BAZ2B: variants seen among roughly 807,000 people sequenced by gnomAD.
The protein encoded by BAZ2B is bromodomain adjacent to zinc finger domain 2B.
In BAZ2B, 91 loss-of-function variants were observed where a neutral mutation model predicts 246.0. The ratio of observed to expected loss-of-function variants is 0.37; its 90% CI spans 0.31 to 0.44. BAZ2B has a LOEUF of 0.44. BAZ2B is among the 20% of genes least tolerant of loss of function. The pLI is 1.00. For synonymous variants in BAZ2B, 855 were observed against 860.0 expected (o/e 0.99, Z 0.10); for missense variants, 2,332 against 2,533.7 (o/e 0.92, Z 1.71).
chr2:159,597,085 C>T (rs745526100), intron 1 of BAZ2B, among the ~76,000 whole-genome samples: 9 of 152,108 alleles, frequency 5.9e-5, no homozygotes, highest in Non-Finnish European at 1.0e-4. Context: ...TGATTATGGC[C>T]ATTCTTGCAT....
chr2:159,529,752 A>G (rs1166805630), intron 2 of BAZ2B, among the ~76,000 whole-genome samples: 2 of 151,708 alleles, frequency 1.3e-5, no homozygotes, highest in Non-Finnish European at 2.9e-5. Flanking sequence ...GTTGTTTAGT[A>G]CCTTATCCTT....
chr2:159,460,594 T>C (rs1237824962), intron 3 of BAZ2B: 2 of 152,128 alleles, frequency 1.3e-5, no homozygotes, highest in Non-Finnish European at 2.9e-5. Context: ...TTGCAAAGTA[T>C]GGCTATTCAT....
intron 6 of BAZ2B, among the ~76,000 whole-genome samples, chr2:159,441,038 A>T (rs188115475): frequency 6.6e-6 from 1 of 152,184 alleles, no homozygotes; most frequent in Non-Finnish European, 1.5e-5. Flanking sequence ...TAATATTAAG[A>T]CTACCATTTA....
intron 3 of BAZ2B, chr2:159,462,880 T>G (rs6722912): frequency 1.2e-6 from 2 of 1,602,562 alleles, no homozygotes; most frequent in South Asian, 2.2e-5. Flanking sequence ...CTTAAAGCAC[T>G]GTCACAGGAT....
the BAZ2B span, chr2:159,690,176 A>C: frequency 8.4e-6 from 4 of 478,758 alleles, no homozygotes; most frequent in South Asian, 5.9e-5. Flanking sequence ...GATCCTGGTG[A>C]CTAGCGTCTT....
intron 3 of BAZ2B, chr2:159,458,866 A>T (rs2076096618): frequency 6.6e-6 from 1 of 152,206 alleles, no homozygotes; most frequent in South Asian, 2.1e-4. Context: ...ACCTCTATGC[A>T]AATGAATTAT....
chr2:159,439,953 A>G (rs1196937358), intron 6 of BAZ2B, among the ~76,000 whole-genome samples: 1 of 152,214 alleles, frequency 6.6e-6, no homozygotes, highest in Admixed American at 6.5e-5. Context: ...AAGCTGGTAG[A>G]AAGTGGTTAT....
chr2:159,629,217 C>T, the BAZ2B span, among the ~76,000 whole-genome samples: 1 of 152,148 alleles, frequency 6.6e-6, no homozygotes, highest in Non-Finnish European at 1.5e-5. Context: ...TGCTTTTATA[C>T]TGTTGGTGGG....
intron 27 of BAZ2B, 34 bp from the exon 28 acceptor site, chr2:159,350,391 A>T: frequency 7.0e-7 from 1 of 1,437,704 alleles, no homozygotes; most frequent in East Asian, 2.4e-5. Flanking sequence ...AACATCAGTT[A>T]CTCCAGATCA....
chr2:159,684,800 T>C, the BAZ2B span, among the ~76,000 whole-genome samples: 2 of 152,260 alleles, frequency 1.3e-5, no homozygotes, highest in Admixed American at 6.5e-5. Context: ...TCATTTATTT[T>C]CTACAATGGC....
chr2:159,417,172 T>G (rs890031516), intron 13 of BAZ2B, among the ~76,000 whole-genome samples: 9 of 150,792 alleles, frequency 6.0e-5, no homozygotes, highest in Admixed American at 4.6e-4. Flanking sequence ...GGTTTTTTTT[T>G]TTGTTTTTTT....
At chr2:159,641,770 G>A in the BAZ2B span, among the ~76,000 whole-genome samples, 405 of 152,104 alleles carry the variant, frequency 2.7e-3, 2 homozygotes, top group African/African-American at 9.2e-3. Context: ...TCAATCTTCT[G>A]CATAATGGCT....
At chr2:159,328,874 T>C (rs2064185358) in intron 34 of BAZ2B, among the ~76,000 whole-genome samples, 1 of 152,186 alleles carries the variant, frequency 6.6e-6, no homozygotes, top group South Asian at 2.1e-4. Context: ...ATGCCTGTAA[T>C]CCCAGCACTT....
rs1375169659 is a variant in BAZ2B, at chr2:159,472,623, G to A, written c.145+5952C>T. Among the ~76,000 whole-genome samples the A allele has an allele frequency of 2.0e-5, 3 of 152,310 alleles. No individual in the cohort carries two copies. In the South Asian group the frequency reaches 6.2e-4, roughly 32 times the overall value. On this transcript the variant is annotated intron_variant, in intron 3 of 36. Coordinates refer to ENST00000392783, the MANE Select transcript of BAZ2B (RefSeq NM_013450.4). ...TCAGTATGATATTGGCTGTGGGTCT[G>A]TAATAAATAGCTCTTATTATTTGGA...
intron 26 of BAZ2B, 112 bp downstream of exon 26, chr2:159,374,579 A>T: frequency 6.1e-6 from 5 of 817,112 alleles, no homozygotes; most frequent in Admixed American, 2.6e-5. Flanking sequence ...TTCATTTTTA[A>T]TTACTCACCA....
At chr2:159,689,770 GACC>G in the BAZ2B span, 14 of 504,044 alleles carry the variant, frequency 2.8e-5, no homozygotes, top group East Asian at 5.1e-4. Flanking sequence ...TCAATTTATT[GACC>G]ACTTCTTTCA....
Position 159,428,362 on chromosome 2 carries a change from T to C in BAZ2B, c.2313A>G (p.Ala771=), listed in dbSNP as rs2070389427. 3 of 1,613,420 alleles carry C rather than the reference T, an allele frequency of 1.9e-6. No homozygotes were observed. The highest frequency in any genetic ancestry group is 2.5e-6 in the Non-Finnish European group (3 of 1,179,634). The change falls in exon 12 of 37, where the codon GCA becomes GCG. Residue 771 remains alanine, a synonymous_variant. Coordinates refer to ENST00000392783, the MANE Select transcript of BAZ2B (RefSeq NM_013450.4). ...GTTTCTTTCCACATGGAGCATAATA[T>C]GCTACTTCTCCTTGAAGGCGCCCTC... ...NFGGRLQGEV[A]YYAPCGKKLR...
the BAZ2B span, among the ~76,000 whole-genome samples, chr2:159,658,282 G>T: frequency 6.6e-6 from 1 of 151,988 alleles, no homozygotes; most frequent in African/African-American, 2.4e-5. Flanking sequence ...GTTGGTCATG[G>T]TATATAATTG....
chr2:159,518,211 T>C (rs915216924), intron 2 of BAZ2B, among the ~76,000 whole-genome samples: 3 of 152,162 alleles, frequency 2.0e-5, no homozygotes, highest in Admixed American at 6.5e-5. Flanking sequence ...GCAAATAAAT[T>C]TGATATTTGG....
Sources: gnomAD v4.1 joint callset for allele counts (sites outside exome capture counted in the v4.1 genomes callset) on GRCh38, gnomAD v4.1.1 for gene constraint, MANE v1.5 for transcripts, NCBI Gene and HGNC (gene_info 2026-07-23, HGNC 2026-07-21) for gene names.